The following DGKD variants were observed in gnomAD, a reference collection of about 807,000 sequenced individuals.
DGKD encodes diacylglycerol kinase delta.
In DGKD, 68 loss-of-function variants were observed where a neutral mutation model predicts 154.4. The observed-to-expected ratio is 0.44, with a 90% CI of 0.36 to 0.54. The LOEUF (loss-of-function observed/expected upper bound fraction) is 0.54, where lower values mean the gene tolerates loss of function less well. Among genes scored for constraint, DGKD ranks in the 20% least tolerant of loss-of-function variants. The probability of loss-of-function intolerance (pLI) is 0.00; values close to 1 mark genes in which losing one functional copy is unlikely to be tolerated. For synonymous variants in DGKD, 693 were observed against 638.0 expected (o/e 1.09, Z -1.30); for missense variants, 1,343 against 1,593.6 (o/e 0.84, Z 2.68).
Position 233,395,370 on chromosome 2 carries a change from A to G in DGKD, c.348+4887A>G, listed in dbSNP as rs180918912. Among the ~76,000 whole-genome samples, 6 of 152,002 alleles carry G rather than the reference A, an allele frequency of 3.9e-5. No homozygotes were observed. The East Asian group carries it at 7.8e-4, about 20-fold the overall frequency. On this transcript the variant is annotated intron_variant, in intron 3 of 29. Coordinates refer to ENST00000264057, the MANE Select transcript of DGKD (RefSeq NM_152879.3). Reference sequence around the variant, plus strand: ...TTTTTTGTAGAGAAGGAGTTTCACCATGTCACCTAGGCTATTCTTGAACTT... The same window carrying G: ...TTTTTTGTAGAGAAGGAGTTTCACCGTGTCACCTAGGCTATTCTTGAACTT...
chr2:233,467,247 G>T (rs2063852078), intron 28 of DGKD, 44 bp downstream of exon 28: 1 of 1,383,034 alleles, frequency 7.2e-7, no homozygotes, highest in African/African-American at 1.4e-5. Flanking sequence ...GTCCACGCCT[G>T]CTGGATCGGC....
At chr2:233,443,076 A>G (rs1433648561) in intron 10 of DGKD, among the ~76,000 whole-genome samples, 1 of 152,180 alleles carries the variant, frequency 6.6e-6, no homozygotes, top group African/African-American at 2.4e-5. Context: ...CTCTGAGCGC[A>G]CCCAAGCTTA....
At chr2:233,428,317 G>A (rs2062384927) in intron 3 of DGKD, among the ~76,000 whole-genome samples, 1 of 152,172 alleles carries the variant, frequency 6.6e-6, no homozygotes, top group Non-Finnish European at 1.5e-5. Context: ...CCCTCTGTGG[G>A]CAGCTAAGAA....
At position 233,394,075 on chromosome 2, in the gene DGKD, G is replaced by C. The variant is rs563527822; in HGVS notation, c.348+3592G>C. ...TTGAGCTTCCATAGGCTGTTAATGAGGAGTTAGAATCTCTTTCAGGCCAGT... is the reference window on the plus strand; with the variant it reads ...TTGAGCTTCCATAGGCTGTTAATGACGAGTTAGAATCTCTTTCAGGCCAGT... On this transcript the variant is annotated intron_variant, in intron 3 of 29. Transcript: ENST00000264057. Among the ~76,000 whole-genome samples, 128 of 152,202 alleles carry C rather than the reference G, an allele frequency of 8.4e-4. 1 individual carries two copies. Among genetic ancestry groups the C allele is most frequent in the Admixed American group, 3.3e-3 (50 of 15,278 alleles).
chr2:233,387,767 C>T (rs1471723100), intron 1 of DGKD, among the ~76,000 whole-genome samples: 4 of 152,052 alleles, frequency 2.6e-5, no homozygotes, highest in Admixed American at 6.5e-5. Flanking sequence ...GGGCTGAGGG[C>T]GCGGGCCTGG....
intron 3 of DGKD, among the ~76,000 whole-genome samples, chr2:233,416,819 C>T (rs1399565928): frequency 6.6e-6 from 1 of 152,150 alleles, no homozygotes; most frequent in Non-Finnish European, 1.5e-5. Flanking sequence ...GGTACTCTGC[C>T]CTCCTGCTGT....
chr2:233,465,848 T>C (rs77003054), intron 27 of DGKD, among the ~76,000 whole-genome samples: 1 of 152,144 alleles, frequency 6.6e-6, no homozygotes, highest in South Asian at 2.1e-4. Flanking sequence ...TGTTTTTTTT[T>C]CTCATACTCC....
chr2:233,452,445 C>T lies in DGKD; in HGVS notation c.2264+385C>T, dbSNP rs745469491. 6.6e-6 allele frequency among the ~76,000 whole-genome samples: 1 copy of T among 152,150 alleles called. No homozygotes were observed. The highest frequency in any genetic ancestry group is 1.5e-5 in the Non-Finnish European group (1 of 68,026). The stretch of plus-strand genomic sequence containing the variant: ...CTCACTGACTTCTGCTTACAGCCTG[C>T]CATCTTCCTCTTGCCATCCCTTCCC... On this transcript the variant is annotated intron_variant, in intron 18 of 29. Coordinates refer to ENST00000264057, the MANE Select transcript of DGKD (RefSeq NM_152879.3). The surrounding 1 kb of genome is among the most constrained non-coding windows in gnomAD (Gnocchi z 4.0).
In DGKD at chr2:233,389,471, A is replaced by G. The variant is rs542936157; in HGVS notation, c.268-932A>G. Reference sequence around the variant, plus strand: ...GGTATTTAAGAAATCTGGAGTCTGAATAATTTACATTTTGAGACATATCCC... The same window carrying G: ...GGTATTTAAGAAATCTGGAGTCTGAGTAATTTACATTTTGAGACATATCCC... On this transcript the variant is annotated intron_variant, in intron 2 of 29. Transcript: ENST00000264057. Among the ~76,000 whole-genome samples the G allele has an allele frequency of 1.4e-3, 212 of 152,276 alleles. 3 individuals are homozygous for G. Among genetic ancestry groups the G allele is most frequent in the African/African-American group, 4.9e-3 (202 of 41,564 alleles).
At chr2:233,468,379 G>A (rs771173324) in intron 28 of DGKD, 44 bp from the exon 29 acceptor site, 1 of 1,604,934 alleles carries the variant, frequency 6.2e-7, no homozygotes, top group Non-Finnish European at 8.5e-7. Context: ...CCTTGCACTG[G>A]GCTCTGGGCA....
intron 3 of DGKD, chr2:233,429,189 C>G (rs184040098): frequency 1.0e-6 from 1 of 985,332 alleles, no homozygotes; most frequent in Admixed American, 6.1e-5. Flanking sequence ...CACTTCAGCT[C>G]GTAAAGGCTG....
chr2:233,361,031 G>A (rs1484219160), intron 1 of DGKD, among the ~76,000 whole-genome samples: 2 of 142,700 alleles, frequency 1.4e-5, no homozygotes, highest in Non-Finnish European at 3.0e-5. Context: ...AAGCCTTGAA[G>A]TTTTATGGCA....
In DGKD at chr2:233,449,103, T is replaced by C; in HGVS notation, c.1615T>C (p.Cys539Arg). 1 of 1,586,680 alleles carries C rather than the reference T, an allele frequency of 6.3e-7. No homozygotes were observed. Among genetic ancestry groups the C allele is most frequent in the Non-Finnish European group, 8.6e-7 (1 of 1,158,586 alleles). ...SEESEVMAKK[C>R]SVLKEKLDSL... Reference sequence around the variant, plus strand: ...CATGCCATTTCCTTTCCTTGTTCAGTGCTCTGTCCTGAAAGAGAAGCTGGA... The same window carrying C: ...CATGCCATTTCCTTTCCTTGTTCAGCGCTCTGTCCTGAAAGAGAAGCTGGA... The change falls in exon 15 of 30, where the codon TGC (cysteine) becomes CGC (arginine). Residue 539 changes from cysteine (C) to arginine (R), a missense_variant and splice_region_variant. Transcript: ENST00000264057. This position sits in a 1 kb window ranked among gnomAD's most constrained non-coding sequence, Gnocchi z 5.3.
chr2:233,441,175 C>T lies in DGKD; in HGVS notation c.1086-712C>T, dbSNP rs1449363901. 4.0e-5 allele frequency among the ~76,000 whole-genome samples: 6 copies of T among 149,932 alleles called. No homozygotes were observed. Among genetic ancestry groups the T allele is most frequent in the South Asian group, 4.2e-4 (2 of 4,776 alleles). ...GAAGAGGATGAGGAGTGAGCAGAAG[C>T]GGCACTGGTCTCCTGAGTGGGGACG... On this transcript the variant is annotated intron_variant, in intron 9 of 29. Transcript: ENST00000264057. The surrounding 1 kb of genome is among the most constrained non-coding windows in gnomAD (Gnocchi z 5.6).
At position 233,457,242 on chromosome 2, in the gene DGKD, C is replaced by T. The variant is rs1418113849; in HGVS notation, c.2494C>T (p.Leu832Phe). 6.6e-7 allele frequency: 1 copy of T among 1,519,820 alleles called. No individual in the cohort carries two copies. The highest frequency in any genetic ancestry group is 2.2e-5 in the Admixed American group (1 of 45,078). The allele number at this position is 1,519,820 out of a possible 1,614,324, so 94.1% of individuals were successfully genotyped here. A position where few individuals can be genotyped will look rare whatever the true frequency, so the allele number is the denominator to read the frequency against. ...LLECDGRPIP[L>F]PSLQGIAVLN... is the part of the protein sequence containing the mutation. ...TCAGTGTGACGGGCGACCCATCCCACTCCCCAGTCTTCAGGGAATTGCTGT... is the reference window on the plus strand; with the variant it reads ...TCAGTGTGACGGGCGACCCATCCCATTCCCCAGTCTTCAGGGAATTGCTGT... Residue 832 changes from leucine to phenylalanine, a missense_variant, in exon 21 of 30, where the codon CTC becomes TTC. This residue lies in a region of DGKD where 60 missense variants were observed against 112.4 expected (regional missense o/e 0.53). Coordinates refer to ENST00000264057, the MANE Select transcript of DGKD (RefSeq NM_152879.3). The surrounding 1 kb of genome is among the most constrained non-coding windows in gnomAD (Gnocchi z 5.5).
At chr2:233,390,317 A>T in intron 2 of DGKD, 86 bp from the exon 3 acceptor site, 2 of 927,360 alleles carry the variant, frequency 2.2e-6, no homozygotes, top group Non-Finnish European at 3.4e-6. Flanking sequence ...GTTAGGGATC[A>T]TTGGGGTGTG....
intron 17 of DGKD, among the ~76,000 whole-genome samples, chr2:233,451,474 A>C (rs1211553205): frequency 1.3e-5 from 2 of 152,060 alleles, no homozygotes; most frequent in Non-Finnish European, 2.9e-5. Context: ...ATTCCTTAGG[A>C]AGGCAGCCTT....
At chr2:233,451,833 A>C in intron 17 of DGKD, 131 bp from the exon 18 acceptor site, 4 of 762,808 alleles carry the variant, frequency 5.2e-6, no homozygotes, top group Non-Finnish European at 4.2e-6. Flanking sequence ...ACATGGTTAT[A>C]CATAATTTTA....
At chr2:233,363,620 C>A (rs940736713) in intron 1 of DGKD, among the ~76,000 whole-genome samples, 2 of 152,180 alleles carry the variant, frequency 1.3e-5, no homozygotes, top group African/African-American at 4.8e-5. Flanking sequence ...CATTCACTCA[C>A]CAGTCATTCA....
Sources: gnomAD v4.1 joint callset for allele counts (sites outside exome capture counted in the v4.1 genomes callset) on GRCh38, gnomAD v4.1.1 for gene constraint, gnomAD v4.1.1 regional missense constraint, Gnocchi (gnomAD v3.1) non-coding constraint, MANE v1.5 for transcripts, NCBI Gene and HGNC (gene_info 2026-07-23, HGNC 2026-07-21) for gene names.